Variants in VPS53 observed in about 807,000 individuals in gnomAD.
The protein encoded by VPS53 is VPS53 subunit of GARP complex.
VPS53 carries 70 observed loss-of-function variants against 107.0 expected under a neutral mutation model. The observed-to-expected ratio is 0.65, with a 90% CI of 0.54 to 0.80. VPS53 has a LOEUF of 0.80. Ranked by LOEUF, VPS53 falls within the 30% of genes least tolerant of loss-of-function variation. The pLI is 0.00. For missense variants in VPS53, 917 were observed against 1,049.4 expected (o/e 0.87, Z 1.74); for synonymous variants, 409 against 393.3 (o/e 1.04, Z -0.47).
At chr17:695,377 G>A (rs1040670585) in intron 4 of VPS53, among the ~76,000 whole-genome samples, 2 of 152,052 alleles carry the variant, frequency 1.3e-5, no homozygotes, top group Admixed American at 6.6e-5. Flanking sequence ...TGGGAAATGC[G>A]GCGGCTTAAA....
chr17:696,629 A>G (rs1410709546), intron 4 of VPS53, among the ~76,000 whole-genome samples: 4 of 152,058 alleles, frequency 2.6e-5, no homozygotes, highest in Admixed American at 6.6e-5. Flanking sequence ...AAAAAGGGAA[A>G]TGGTTCACAG....
chr17:598,556 G>A (rs1170983080), intron 12 of VPS53, among the ~76,000 whole-genome samples: 4 of 150,962 alleles, frequency 2.6e-5, no homozygotes, highest in African/African-American at 4.9e-5. Context: ...AGGAAGTGAG[G>A]AGCGTCTCTG....
rs114354551 is a variant in VPS53, at chr17:562,970, T to C, written c.1314-225A>G. ...TATGAGATTCTAATCTCTAAGTCGA[T>C]TGACATTTGTGCTTTATACTTTTCA... On this transcript the variant is annotated intron_variant, in intron 13 of 21. Transcript: ENST00000437048. 2.9e-3 allele frequency among the ~76,000 whole-genome samples: 440 copies of C among 152,256 alleles called. 2 individuals are homozygous for C. The highest frequency in any genetic ancestry group is 0.01 in the African/African-American group (418 of 41,552).
In VPS53 at chr17:519,600, C is replaced by G. The variant is rs1266796701; in HGVS notation, c.2328+226G>C. 6.6e-6 allele frequency among the ~76,000 whole-genome samples: 1 copy of G among 152,192 alleles called. No homozygotes were observed. The highest frequency in any genetic ancestry group is 1.5e-5 in the Non-Finnish European group (1 of 68,038). On this transcript the variant is annotated intron_variant, in intron 21 of 21. Coordinates refer to ENST00000437048, the MANE Select transcript of VPS53 (RefSeq NM_001128159.3). This position sits in a 1 kb window ranked among gnomAD's most constrained non-coding sequence, Gnocchi z 5.0. The stretch of plus-strand genomic sequence containing the variant: ...ATCCCCCTGCCCCTGCCCCATCCTC[C>G]CTGTGCAGGTGGTCTCAGCGGGGCA...
At chr17:632,485 C>T (rs1308257076) in intron 7 of VPS53, among the ~76,000 whole-genome samples, 1 of 152,080 alleles carries the variant, frequency 6.6e-6, no homozygotes, top group Admixed American at 6.6e-5. Flanking sequence ...TTATCAATCA[C>T]CCCAAGTTAT....
intron 6 of VPS53, among the ~76,000 whole-genome samples, chr17:653,909 G>A (rs2543776): frequency 0.38 from 58,425 of 152,092 alleles, 12,659 homozygotes; most frequent in South Asian, 0.5. Flanking sequence ...TCATCCCCGC[G>A]CTGTGGGAGG....
chr17:588,230 A>C (rs1439429901), intron 12 of VPS53, among the ~76,000 whole-genome samples: 1 of 152,180 alleles, frequency 6.6e-6, no homozygotes. Context: ...AGGTAGAAAA[A>C]TTGCTTGAAC....
At chr17:602,032 G>A (rs1968351071) in intron 11 of VPS53, 136 bp from the exon 12 acceptor site, 1 of 536,236 alleles carries the variant, frequency 1.9e-6, no homozygotes, top group Non-Finnish European at 3.0e-6. Context: ...AGGCAACCCA[G>A]ACCACATTCT....
Position 662,799 on chromosome 17 carries a change from A to AAGAAAAAAAGAAAG in VPS53, c.286-905_286-904insCTTTCTTTTTTTCT, listed in dbSNP as rs1555575876. Among the ~76,000 whole-genome samples, 725 of 140,116 alleles carry AAGAAAAAAAGAAAG rather than the reference A, an allele frequency of 5.2e-3. 6 individuals are homozygous for AAGAAAAAAAGAAAG. The highest frequency in any genetic ancestry group is 0.014 in the Admixed American group (182 of 12,956). 91.9% of individuals were successfully genotyped at this position (140,116 alleles called of 152,430 possible). A position where few individuals can be genotyped will look rare whatever the true frequency, so the allele number is the denominator to read the frequency against. ...AGAAAGAAAGAAAAAAAGAAAGAGAAAGAAAGAAAAAAAGAAAGAAAGAGA... is the reference window on the plus strand; with the variant it reads ...AGAAAGAAAGAAAAAAAGAAAGAGAAAGAAAAAAAGAAAGAGAAAGAAAAAAAGAAAGAAAGAGA... On this transcript the variant is annotated intron_variant, in intron 4 of 21. Coordinates refer to ENST00000437048, the MANE Select transcript of VPS53 (RefSeq NM_001128159.3).
At chr17:633,361 T>A (rs1970041870) in intron 7 of VPS53, among the ~76,000 whole-genome samples, 2 of 152,286 alleles carry the variant, frequency 1.3e-5, no homozygotes, top group South Asian at 4.1e-4. Flanking sequence ...AGGCAAATAC[T>A]GTCTGGTTGC....
intron 2 of VPS53, among the ~76,000 whole-genome samples, chr17:702,397 G>A (rs556898078): frequency 1.3e-5 from 2 of 152,146 alleles, no homozygotes; most frequent in African/African-American, 4.8e-5. Context: ...TGGGCGCGGT[G>A]GCTCATGCCT....
chr17:617,027 C>T (rs1170756861), intron 11 of VPS53, among the ~76,000 whole-genome samples: 1 of 152,194 alleles, frequency 6.6e-6, no homozygotes, highest in Non-Finnish European at 1.5e-5. Context: ...TGGCTCAAAA[C>T]AAGTGCTTGG....
intron 13 of VPS53, among the ~76,000 whole-genome samples, chr17:563,446 C>A (rs911432885): frequency 2.6e-5 from 4 of 152,076 alleles, no homozygotes; most frequent in African/African-American, 4.8e-5. Context: ...CAGGCACACG[C>A]CACCATGCCC....
chr17:536,764 G>T, intron 18 of VPS53: 1 of 416,326 alleles, frequency 2.4e-6, no homozygotes, highest in Non-Finnish European at 4.4e-6. Flanking sequence ...CTGTACATTT[G>T]TCCAAACCGA....
intron 7 of VPS53, among the ~76,000 whole-genome samples, chr17:652,845 T>C (rs1971010045): frequency 6.6e-6 from 1 of 152,216 alleles, no homozygotes; most frequent in Non-Finnish European, 1.5e-5. Flanking sequence ...TGTAACTATC[T>C]ACCACAGGCA....
intron 7 of VPS53, among the ~76,000 whole-genome samples, chr17:651,954 TG>T (rs1191121972): frequency 6.6e-6 from 1 of 152,000 alleles, no homozygotes; most frequent in African/African-American, 2.4e-5. Context: ...AGAATAAGGT[TG>T]GGGGGAAAGT....
intron 10 of VPS53, among the ~76,000 whole-genome samples, chr17:626,932 G>C (rs907674003): frequency 1.3e-5 from 2 of 152,174 alleles, no homozygotes; most frequent in African/African-American, 2.4e-5. Context: ...TATAAGCCTT[G>C]AGTTGGTGGA....
In VPS53 at chr17:517,722, T is replaced by C. The variant is rs939785393; in HGVS notation, c.*1406A>G. On this transcript the variant is annotated 3_prime_UTR_variant, in exon 22 of 22. Coordinates refer to ENST00000437048, the MANE Select transcript of VPS53 (RefSeq NM_001128159.3). ...TTTTAGTTGAGACAGGGTTTCGCCATGTTGGGCAGGCTGGTCTCGAATTCC... is the reference window on the plus strand; with the variant it reads ...TTTTAGTTGAGACAGGGTTTCGCCACGTTGGGCAGGCTGGTCTCGAATTCC... 3.4e-5 allele frequency: 9 copies of C among 262,138 alleles called. No individual in the cohort carries two copies. The highest frequency in any genetic ancestry group is 1.8e-4 in the African/African-American group (8 of 45,354). The allele number at this position is 262,138 out of a possible 1,614,324, so 16.2% of individuals were successfully genotyped here.
rs893166348 is a variant in VPS53, at chr17:655,839, C to T, written c.487G>A (p.Glu163Lys). 1.9e-6 allele frequency: 3 copies of T among 1,611,436 alleles called. No homozygotes were observed. The highest frequency in any genetic ancestry group is 1.1e-5 in the South Asian group (1 of 90,592). ...AAAGAGAAAGTTGGCATTGCTTACT[C>T]GAGGGAGTCGACACCTCCTGCCAGC... ...HMLAGGVDSL[E>K]AMTRRRQYGE... Residue 163 changes from glutamate to lysine, a missense_variant and splice_region_variant, in exon 6 of 22, where the codon GAA becomes AAA. By Grantham distance (56) the Glu-to-Lys change is moderately conservative. Transcript: ENST00000437048.
Sources: gnomAD v4.1 joint callset for allele counts (sites outside exome capture counted in the v4.1 genomes callset) on GRCh38, gnomAD v4.1.1 for gene constraint, Gnocchi (gnomAD v3.1) non-coding constraint, MANE v1.5 for transcripts, NCBI Gene and HGNC (gene_info 2026-07-23, HGNC 2026-07-21) for gene names.